The following DHRS2 variants were observed in gnomAD, a reference collection of about 807,000 sequenced individuals.
DHRS2 encodes the protein dehydrogenase/reductase 2, also known as dehydrogenase/reductase SDR family member 2, mitochondrial.
In DHRS2, 29 loss-of-function variants were observed where a neutral mutation model predicts 26.3. The ratio of observed to expected loss-of-function variants is 1.10; its 90% CI spans 0.82 to 1.50. DHRS2 has a LOEUF of 1.50. DHRS2 is among the 40% of genes most tolerant of loss of function. DHRS2 has a pLI of 0.00. For missense variants in DHRS2, 439 were observed against 367.1 expected (o/e 1.20, Z -1.60); for synonymous variants, 164 against 151.3 (o/e 1.08, Z -0.62).
Position 23,639,259 on chromosome 14 carries a change from A to G in DHRS2, c.221A>G (p.Asp74Gly). The stretch of plus-strand genomic sequence containing the variant: ...AGCAGCCGGAAGCAGCAGAACGTGG[A>G]CCGGGCCATGGCCAAGCTGCAGGGG... The part of the protein sequence containing the change: ...VISSRKQQNV[D>G]RAMAKLQGEG... The change falls in exon 3 of 9, where the codon GAC becomes GGC. Residue 74 changes from aspartate (D) to glycine (G), a missense_variant. Physicochemically the swap from Asp to Gly is moderately conservative, Grantham distance 94. Transcript: ENST00000250383. The G allele has an allele frequency of 6.2e-7, 1 of 1,613,196 alleles. No homozygotes were observed. Among genetic ancestry groups the G allele is most frequent in the Non-Finnish European group, 8.5e-7 (1 of 1,179,650 alleles).
At position 23,639,178 on chromosome 14, in the gene DHRS2, G is replaced by A. The variant is rs1352691176; in HGVS notation, c.141-1G>A. On this transcript the variant is annotated splice_acceptor_variant, in intron 2 of 8. Coordinates refer to ENST00000250383, the MANE Select transcript of DHRS2 (RefSeq NM_005794.4). LOFTEE classifies it high-confidence loss of function. The stretch of plus-strand genomic sequence containing the variant: ...CTTTTGCCCTCCATCTCTGCATTCA[G>A]GATCGGCTTTGCCATCGCCCGACGT... 1 of 1,612,930 alleles carries A rather than the reference G, an allele frequency of 6.2e-7. No homozygotes were observed. The highest frequency in any genetic ancestry group is 1.8e-4 in the Middle Eastern group (1 of 5,682).
intron 4 of DHRS2, chr14:23,642,492 C>T (rs1208484097): frequency 6.6e-6 from 1 of 152,394 alleles, no homozygotes; most frequent in African/African-American, 2.4e-5. Context: ...CAGAAATCTC[C>T]CTTGCTTCTA....
intron 1 of DHRS2, 126 bp from the exon 2 acceptor site, chr14:23,638,701 C>T (rs1404482522): frequency 7.2e-6 from 7 of 976,090 alleles, no homozygotes; most frequent in African/African-American, 3.3e-5. Flanking sequence ...TGAAATTTAC[C>T]CTAACCAGCC....
At chr14:23,639,388 A>T (rs545604056) in intron 3 of DHRS2, 32 bp downstream of exon 3, 33 of 1,543,934 alleles carry the variant, frequency 2.1e-5, no homozygotes, top group Middle Eastern at 3.5e-4. Flanking sequence ...GGACACAGAG[A>T]GGGGAACATG....
At chr14:23,640,856 T>C (rs1890626974) in intron 4 of DHRS2, 2 of 152,322 alleles carry the variant, frequency 1.3e-5, no homozygotes, top group African/African-American at 4.8e-5. Context: ...GCTATGTTGT[T>C]AATGCCTCCA....
At chr14:23,640,126 C>T (rs1890579379) in intron 4 of DHRS2, 2 of 720,092 alleles carry the variant, frequency 2.8e-6, no homozygotes, top group African/African-American at 1.9e-5. Context: ...GTTTTCTCTT[C>T]TCATCACTTT....
intron 4 of DHRS2, chr14:23,642,795 T>C (rs1246298896): frequency 9.6e-6 from 2 of 207,394 alleles, no homozygotes; most frequent in African/African-American, 4.6e-5. Flanking sequence ...CTTGAACTTT[T>C]GGCCTTGAGT....
rs1042505628 is a variant in DHRS2, at chr14:23,638,752, G to A, written c.-38-75G>A. 9 of 1,445,960 alleles carry A rather than the reference G, an allele frequency of 6.2e-6. No homozygotes were observed. The African/African-American group carries it at 9.9e-5, about 16-fold the overall frequency. The allele number at this position is 1,445,960 out of a possible 1,614,324, so 89.6% of individuals were successfully genotyped here. On this transcript the variant is annotated intron_variant, in intron 1 of 8. Transcript: ENST00000250383. ...TTCTGTTGCTGGCCTTGTCTGTCTG[G>A]AGGAAGGAGGAGGGTAGATTACCTT...
chr14:23,641,567 G>C lies in DHRS2; in HGVS notation c.421-1585G>C. On this transcript the variant is annotated intron_variant, in intron 4 of 8. Transcript: ENST00000250383. The stretch of plus-strand genomic sequence containing the variant: ...ACCTCAGCCCCTCACTCAGCCTGAT[G>C]CACATGGAGTATTGGACAGATATCC... 6.3e-6 allele frequency: 8 copies of C among 1,272,488 alleles called. No homozygotes were observed. In the South Asian group the frequency reaches 1.0e-4, roughly 16 times the overall value. 78.8% of individuals were successfully genotyped at this position (1,272,488 alleles called of 1,614,324 possible).
Position 23,645,364 on chromosome 14 carries a change from A to T in DHRS2, c.*111A>T, listed in dbSNP as rs1594251287. The T allele has an allele frequency of 3.1e-6, 5 of 1,591,588 alleles. No individual in the cohort carries two copies. The East Asian group carries it at 1.1e-4, about 36-fold the overall frequency. On this transcript the variant is annotated 3_prime_UTR_variant, in exon 9 of 9. Coordinates refer to ENST00000250383, the MANE Select transcript of DHRS2 (RefSeq NM_005794.4). ...AGTCTGCCATTCTGCCAGACTAGCAATTTGGGGGCTTACTCATGCTAGGCT... is the reference window on the plus strand; with the variant it reads ...AGTCTGCCATTCTGCCAGACTAGCATTTTGGGGGCTTACTCATGCTAGGCT...
intron 4 of DHRS2, chr14:23,641,711 C>T: frequency 7.8e-7 from 1 of 1,289,850 alleles, no homozygotes; most frequent in South Asian, 1.2e-5. Context: ...CCACTTCTTG[C>T]AGTCATTGGG....
At chr14:23,641,032 CCTTA>C (rs964938521) in intron 4 of DHRS2, 2 of 152,408 alleles carry the variant, frequency 1.3e-5, no homozygotes, top group Non-Finnish European at 2.9e-5. Context: ...AACAATCTGA[CCTTA>C]CTTTCTCTGA....
In DHRS2 at chr14:23,639,695, C is replaced by T. The variant is rs890009794; in HGVS notation, c.319-99C>T. 79 of 1,302,418 alleles carry T rather than the reference C, an allele frequency of 6.1e-5. No individual in the cohort carries two copies. The South Asian group carries it at 7.9e-4, about 13-fold the overall frequency. The allele number at this position is 1,302,418 out of a possible 1,614,324, so 80.7% of individuals were successfully genotyped here. A position where few individuals can be genotyped will look rare whatever the true frequency, so the allele number is the denominator to read the frequency against. On this transcript the variant is annotated intron_variant, in intron 3 of 8. Coordinates refer to ENST00000250383, the MANE Select transcript of DHRS2 (RefSeq NM_005794.4). ...CACCTAGGTCATTTTCCTTTAGGAG[C>T]TCTGCAAGCTTTGCCTGAAGGCCTT...
Position 23,643,248 on chromosome 14 carries a change from C to G in DHRS2, c.488+29C>G, listed in dbSNP as rs371348491. 10 of 1,610,040 alleles carry G rather than the reference C, an allele frequency of 6.2e-6. No individual in the cohort carries two copies. In the East Asian group the frequency reaches 2.2e-4, roughly 36 times the overall value. ...TGGCAGGGCGGGGGTGGGGACCAGTCGGAGTTGGGGACCTGAGGTGGGCAC... is the reference window on the plus strand; with the variant it reads ...TGGCAGGGCGGGGGTGGGGACCAGTGGGAGTTGGGGACCTGAGGTGGGCAC... On this transcript the variant is annotated intron_variant, in intron 5 of 8. Transcript: ENST00000250383.
At chr14:23,641,863 C>T (rs992580079) in intron 4 of DHRS2, 1 of 1,227,892 alleles carries the variant, frequency 8.1e-7, no homozygotes, top group Non-Finnish European at 1.0e-6. Flanking sequence ...TGGTGAGTTG[C>T]AGATGTGGTC....
chr14:23,639,909 C>A lies in DHRS2; in HGVS notation c.420+14C>A. 1 of 1,564,876 alleles carries A rather than the reference C, an allele frequency of 6.4e-7. No homozygotes were observed. The highest frequency in any genetic ancestry group is 1.2e-5 in the South Asian group (1 of 84,196). On this transcript the variant is annotated intron_variant, in intron 4 of 8. Coordinates refer to ENST00000250383, the MANE Select transcript of DHRS2 (RefSeq NM_005794.4). ...ATCTGGGACAAGGTGAGAGGCCTCC[C>A]CTGGGGAGGCGGCTGAGGGCCCGAT...
intron 7 of DHRS2, 65 bp from the exon 8 acceptor site, chr14:23,644,762 C>T: frequency 6.3e-7 from 1 of 1,588,356 alleles, no homozygotes; most frequent in Non-Finnish European, 8.6e-7. Context: ...GCCTGGTGGC[C>T]TTCCCGGGGC....
rs76993539 is a variant in DHRS2 at position 23,644,979 on chromosome 14, G to A, written c.731+97G>A. 4.9e-5 allele frequency: 77 copies of A among 1,566,320 alleles called. No individual in the cohort carries two copies. In the East Asian group the frequency reaches 1.7e-3, roughly 35 times the overall value. The stretch of plus-strand genomic sequence containing the variant: ...GACCCCTCCCTGTCATCTGGCCATT[G>A]TTTTTGCTGAAATCTGGAGTCCACA... On this transcript the variant is annotated intron_variant, in intron 8 of 8. Transcript: ENST00000250383.
chr14:23,634,189 T>TC, upstream of DHRS2, among the ~76,000 whole-genome samples: 1 of 149,922 alleles, frequency 6.7e-6, no homozygotes. Flanking sequence ...TGCCTCAGTC[T>TC]CCCAAGTAGC....
Sources: allele counts gnomAD v4.1 joint callset (sites outside exome capture counted in the v4.1 genomes callset), GRCh38; gene constraint gnomAD v4.1.1; transcripts MANE v1.5; gene names NCBI Gene and HGNC (gene_info 2026-07-23, HGNC 2026-07-21).